GALNT13: variants seen among roughly 807,000 people sequenced by gnomAD.
The protein encoded by GALNT13 is UDP-GalNAc:polypeptide N-acetylgalactosaminyltransferase 13.
A neutral mutation model predicts 64.2 loss-of-function variants in GALNT13; 28 were observed. That is an observed-to-expected ratio of 0.44 (90% CI 0.32 to 0.60). The LOEUF (loss-of-function observed/expected upper bound fraction) is 0.60, where lower values mean the gene tolerates loss of function less well. GALNT13 is among the 20% of genes least tolerant of loss of function. The pLI, the probability that GALNT13 is intolerant of heterozygous loss-of-function variation, is 0.05. For missense variants in GALNT13, 577 were observed against 669.8 expected, an observed-to-expected ratio of 0.86 and a Z score of 1.53; for synonymous variants, 214 against 224.6, an observed-to-expected ratio of 0.95 and a Z score of 0.42.
the GALNT13 span, among the ~76,000 whole-genome samples, chr2:153,670,478 C>T: frequency 1.3e-5 from 2 of 152,182 alleles, no homozygotes; most frequent in Admixed American, 6.5e-5. Context: ...AGAAGGAAAA[C>T]TAACAAACAG....
chr2:153,913,746 C>T (rs1029655051), intron 2 of GALNT13, among the ~76,000 whole-genome samples: 2 of 152,098 alleles, frequency 1.3e-5, no homozygotes, highest in Admixed American at 6.5e-5. Flanking sequence ...GAACGGCAGT[C>T]CCATGCAGGG....
At chr2:153,710,973 T>C in the GALNT13 span, among the ~76,000 whole-genome samples, 1 of 152,108 alleles carries the variant, frequency 6.6e-6, no homozygotes, top group Non-Finnish European at 1.5e-5. Context: ...TTTTATATGA[T>C]AGATTTGATG....
intron 4 of GALNT13, among the ~76,000 whole-genome samples, chr2:154,153,718 C>A (rs1684216023): frequency 6.6e-6 from 1 of 152,198 alleles, no homozygotes; most frequent in South Asian, 2.1e-4. Context: ...ACTCCATGGG[C>A]ATAGAACCCT....
chr2:154,354,158 T>C (rs1696579173), intron 9 of GALNT13, among the ~76,000 whole-genome samples: 1 of 152,164 alleles, frequency 6.6e-6, no homozygotes, highest in African/African-American at 2.4e-5. Context: ...CCCTGATGAT[T>C]AAACATACAT....
the GALNT13 span, among the ~76,000 whole-genome samples, chr2:153,438,646 G>A: frequency 9.2e-5 from 14 of 152,224 alleles, no homozygotes; most frequent in East Asian, 1.5e-3. Context: ...CATTCATCAC[G>A]TAGTTCTCGT....
At chr2:153,635,441 C>CATATATATGTGTATATATATAT in the GALNT13 span, among the ~76,000 whole-genome samples, 9 of 129,854 alleles carry the variant, frequency 6.9e-5, no homozygotes, top group South Asian at 9.6e-4. Context: ...TATATATATA[C>CATATATATGTGTATATATATAT]ACACATATAT....
At chr2:154,381,720 A>G (rs990621716) in intron 9 of GALNT13, among the ~76,000 whole-genome samples, 5 of 152,056 alleles carry the variant, frequency 3.3e-5, no homozygotes, top group Admixed American at 2.6e-4. Context: ...TCCAAGCCTC[A>G]GGTTATTCAT....
intron 1 of GALNT13, among the ~76,000 whole-genome samples, chr2:153,887,521 T>G (rs1412040420): frequency 1.3e-5 from 2 of 151,634 alleles, no homozygotes; most frequent in Non-Finnish European, 2.9e-5. Context: ...TTGAGAAATC[T>G]TACTTGAGAG....
chr2:154,061,014 CT>C (rs1330340537), intron 3 of GALNT13, among the ~76,000 whole-genome samples: 2 of 118,266 alleles, frequency 1.7e-5, no homozygotes, highest in African/African-American at 3.2e-5. Context: ...GTCAACACCC[CT>C]AATTGTGCTA....
At chr2:154,279,502 G>A (rs996130981) in intron 8 of GALNT13, among the ~76,000 whole-genome samples, 1 of 152,130 alleles carries the variant, frequency 6.6e-6, no homozygotes, top group Non-Finnish European at 1.5e-5. Context: ...TTGATAACAG[G>A]TGAAAATTTT....
the GALNT13 span, among the ~76,000 whole-genome samples, chr2:153,629,844 A>T: frequency 6.7e-6 from 1 of 148,170 alleles, no homozygotes; most frequent in Non-Finnish European, 1.5e-5. Context: ...GAGGGACATG[A>T]ACAGACACTT....
At chr2:154,017,314 T>G (rs1467625908) in intron 3 of GALNT13, among the ~76,000 whole-genome samples, 2 of 152,194 alleles carry the variant, frequency 1.3e-5, no homozygotes, top group Non-Finnish European at 2.9e-5. Context: ...TATCCACATA[T>G]AACTTTTCAC....
chr2:154,006,054 T>C (rs979438611), intron 3 of GALNT13, among the ~76,000 whole-genome samples: 3 of 152,182 alleles, frequency 2.0e-5, no homozygotes, highest in African/African-American at 7.2e-5. Context: ...ATCTTCCACA[T>C]ATTTGGATGT....
At chr2:153,651,701 A>G in the GALNT13 span, among the ~76,000 whole-genome samples, 16 of 152,242 alleles carry the variant, frequency 1.1e-4, no homozygotes, top group African/African-American at 3.6e-4. Flanking sequence ...ATTTTTCCTT[A>G]TAGTAACAGA....
At chr2:153,675,887 G>C in the GALNT13 span, among the ~76,000 whole-genome samples, 2 of 151,952 alleles carry the variant, frequency 1.3e-5, no homozygotes, top group African/African-American at 4.8e-5. Flanking sequence ...AAAATTTATA[G>C]TGCTAAACAC....
intron 1 of GALNT13, among the ~76,000 whole-genome samples, chr2:153,882,135 T>C (rs1210339329): frequency 6.7e-6 from 1 of 149,714 alleles, no homozygotes; most frequent in Admixed American, 6.7e-5. Context: ...CTATTACAAA[T>C]TGTAGAGAGT....
At chr2:153,082,893 G>A in the GALNT13 span, among the ~76,000 whole-genome samples, 1 of 151,154 alleles carries the variant, frequency 6.6e-6, no homozygotes, top group Admixed American at 6.6e-5. Flanking sequence ...CAGTGGCACA[G>A]TCTCGGCTCA....
the GALNT13 span, among the ~76,000 whole-genome samples, chr2:153,808,187 T>G: frequency 6.6e-6 from 1 of 152,304 alleles, no homozygotes; most frequent in Non-Finnish European, 1.5e-5. Context: ...GGGGGCTTTC[T>G]GTATTATTTC....
chr2:153,554,602 A>G, the GALNT13 span, among the ~76,000 whole-genome samples: 3 of 152,150 alleles, frequency 2.0e-5, no homozygotes, highest in African/African-American at 7.2e-5. Flanking sequence ...TGAACCAAAT[A>G]TTAGTGTCTC....
Sources: allele counts gnomAD v4.1 joint callset (sites outside exome capture counted in the v4.1 genomes callset), GRCh38; gene constraint gnomAD v4.1.1; transcripts MANE v1.5; gene names NCBI Gene and HGNC (gene_info 2026-07-23, HGNC 2026-07-21).